Variants in KSR2 observed in about 807,000 individuals in gnomAD.
KSR2 encodes kinase suppressor of ras 2.
A neutral mutation model predicts 107.8 loss-of-function variants in KSR2; 25 were observed. The ratio of observed to expected loss-of-function variants is 0.23; its 90% CI spans 0.17 to 0.32. The LOEUF (loss-of-function observed/expected upper bound fraction) is 0.32. KSR2 is among the 10% of genes least tolerant of loss of function. KSR2 has a pLI of 1.00. For missense variants in KSR2, 887 were observed against 1,268.9 expected, an observed-to-expected ratio of 0.70 and a Z score of 4.57; for synonymous variants, 480 against 507.0, an observed-to-expected ratio of 0.95 and a Z score of 0.71.
chr12:117,736,927 A>G (rs1887970981), intron 4 of KSR2, among the ~76,000 whole-genome samples: 1 of 152,224 alleles, frequency 6.6e-6, no homozygotes, highest in Non-Finnish European at 1.5e-5. Context: ...TCTTCTCCCT[A>G]CCAAGAACCC....
intron 4 of KSR2, among the ~76,000 whole-genome samples, chr12:117,752,570 A>G (rs1888648930): frequency 6.6e-6 from 1 of 152,222 alleles, no homozygotes; most frequent in South Asian, 2.1e-4. Context: ...CAGTTATAGT[A>G]GTTCTCTGTG....
At chr12:117,467,938 A>AG (rs1871242345) in intron 19 of KSR2, 1 of 269,916 alleles carries the variant, frequency 3.7e-6, no homozygotes, top group Non-Finnish European at 6.7e-6. Context: ...TTTTTTTTCC[A>AG]GCCCAACTCC....
At chr12:117,887,963 G>A (rs1393291893) in intron 1 of KSR2, among the ~76,000 whole-genome samples, 1 of 152,190 alleles carries the variant, frequency 6.6e-6, no homozygotes, top group African/African-American at 2.4e-5. Context: ...AGAGCAGGCT[G>A]CTCAGATGAG....
chr12:117,619,386 A>G (rs7311878), intron 5 of KSR2, among the ~76,000 whole-genome samples: 137,970 of 151,260 alleles, frequency 0.91, 63,148 homozygotes, highest in East Asian at 0.99. Flanking sequence ...AACAGGCCCC[A>G]GTGTGTGATG....
intron 5 of KSR2, among the ~76,000 whole-genome samples, chr12:117,608,144 C>G (rs1881397802): frequency 6.6e-6 from 1 of 152,226 alleles, no homozygotes; most frequent in Non-Finnish European, 1.5e-5. Context: ...GGGAACAGTA[C>G]TTAACCTCTC....
intron 4 of KSR2, among the ~76,000 whole-genome samples, chr12:117,699,636 C>T (rs563966718): frequency 6.6e-6 from 1 of 152,184 alleles, no homozygotes; most frequent in South Asian, 2.1e-4. Context: ...AAACGGTACA[C>T]CTGTATAAGG....
intron 4 of KSR2, among the ~76,000 whole-genome samples, chr12:117,738,706 C>T (rs1888043825): frequency 6.6e-6 from 1 of 152,088 alleles, no homozygotes; most frequent in African/African-American, 2.4e-5. Flanking sequence ...GAAACCCCAT[C>T]TCTACTAAAA....
intron 3 of KSR2, among the ~76,000 whole-genome samples, chr12:117,832,812 C>T (rs1232464276): frequency 1.3e-5 from 2 of 152,224 alleles, no homozygotes; most frequent in African/African-American, 2.4e-5. Flanking sequence ...CCAGCCTTAC[C>T]TAGGCACAGG....
chr12:117,747,673 T>G (rs919552700), intron 4 of KSR2, among the ~76,000 whole-genome samples: 2 of 152,068 alleles, frequency 1.3e-5, no homozygotes, highest in African/African-American at 2.4e-5. Flanking sequence ...AAAGAAAACA[T>G]GCAAATGACC....
chr12:117,691,254 C>T (rs1364023714), intron 4 of KSR2, among the ~76,000 whole-genome samples: 1 of 152,144 alleles, frequency 6.6e-6, no homozygotes, highest in Admixed American at 6.5e-5. Flanking sequence ...ACGGGCATCC[C>T]AACTGGTAGA....
At chr12:117,602,638 T>A (rs1224099594) in intron 5 of KSR2, among the ~76,000 whole-genome samples, 1 of 152,270 alleles carries the variant, frequency 6.6e-6, no homozygotes, top group African/African-American at 2.4e-5. Context: ...CACCATTTGT[T>A]TATCCACTCA....
intron 5 of KSR2, among the ~76,000 whole-genome samples, chr12:117,603,942 A>T (rs1210412934): frequency 6.6e-6 from 1 of 152,166 alleles, no homozygotes; most frequent in Non-Finnish European, 1.5e-5. Flanking sequence ...AATTTCAACA[A>T]AGCAACCAAC....
At chr12:117,884,624 A>G (rs1484356867) in intron 1 of KSR2, among the ~76,000 whole-genome samples, 1 of 152,154 alleles carries the variant, frequency 6.6e-6, no homozygotes, top group Non-Finnish European at 1.5e-5. Flanking sequence ...GAAACACACA[A>G]TCTTCTAATT....
At chr12:117,512,198 G>A (rs537870960) in intron 14 of KSR2, among the ~76,000 whole-genome samples, 42 of 152,324 alleles carry the variant, frequency 2.8e-4, no homozygotes, top group African/African-American at 9.9e-4. Flanking sequence ...CAAGAATTCT[G>A]AGGGACGTTT....
intron 3 of KSR2, among the ~76,000 whole-genome samples, chr12:117,795,061 G>C (rs1439073006): frequency 6.6e-6 from 1 of 152,172 alleles, no homozygotes; most frequent in African/African-American, 2.4e-5. Context: ...TTCTAAGTTG[G>C]TGTCATGCTT....
At chr12:117,598,739 T>C (rs1002746444) in intron 5 of KSR2, among the ~76,000 whole-genome samples, 11 of 152,142 alleles carry the variant, frequency 7.2e-5, no homozygotes, top group African/African-American at 2.4e-4. Flanking sequence ...TTTTTTCATA[T>C]GTATATCTTA....
chr12:117,826,654 G>A (rs1891763374), intron 3 of KSR2, among the ~76,000 whole-genome samples: 1 of 151,982 alleles, frequency 6.6e-6, no homozygotes, highest in Admixed American at 6.6e-5. Context: ...CCTGACATTA[G>A]CAGATGCAGG....
At chr12:117,524,549 G>A (rs189110679) in intron 14 of KSR2, among the ~76,000 whole-genome samples, 30 of 152,132 alleles carry the variant, frequency 2.0e-4, no homozygotes, top group East Asian at 1.6e-3. Context: ...CACCTGTAGC[G>A]CCAGCTATTT....
intron 1 of KSR2, among the ~76,000 whole-genome samples, chr12:117,866,620 G>C (rs1400273205): frequency 1.3e-5 from 2 of 151,866 alleles, no homozygotes. Context: ...ACCTGAGGTC[G>C]GGAGTTTGAG....
Sources: gnomAD v4.1 joint callset for allele counts (sites outside exome capture counted in the v4.1 genomes callset) on GRCh38, gnomAD v4.1.1 for gene constraint, MANE v1.5 for transcripts, NCBI Gene and HGNC (gene_info 2026-07-23, HGNC 2026-07-21) for gene names.